Variants in ALDH1A2 observed in about 807,000 individuals in gnomAD.
ALDH1A2 encodes the protein aldehyde dehydrogenase 1 family member A2, also known as retinal dehydrogenase 2.
In ALDH1A2, 27 loss-of-function variants were observed where a neutral mutation model predicts 60.3. That is an observed-to-expected ratio of 0.45 (90% CI 0.33 to 0.62). The LOEUF (loss-of-function observed/expected upper bound fraction) is 0.62, where lower values mean the gene tolerates loss of function less well. Ranked by LOEUF, ALDH1A2 falls within the 20% of genes least tolerant of loss-of-function variation. The pLI is 0.02. For synonymous variants in ALDH1A2, 289 were observed against 232.4 expected (o/e 1.24, Z -2.21); for missense variants, 581 against 643.8 (o/e 0.90, Z 1.06).
intron 1 of ALDH1A2, among the ~76,000 whole-genome samples, chr15:58,018,939 C>G (rs535661818): frequency 1.3e-5 from 2 of 151,452 alleles, no homozygotes; most frequent in East Asian, 3.9e-4. Flanking sequence ...CTCTGATGGG[C>G]CAGGAAAAAA....
intron 7 of ALDH1A2, chr15:57,979,831 T>C (rs531007497): frequency 1.8e-5 from 5 of 272,060 alleles, no homozygotes; most frequent in South Asian, 1.5e-4. Flanking sequence ...CAGGCAGTAC[T>C]TGGGGTCACA....
At chr15:58,042,389 C>T (rs1994926) in intron 1 of ALDH1A2, among the ~76,000 whole-genome samples, 66,864 of 151,716 alleles carry the variant, frequency 0.44, 15,045 homozygotes, top group African/African-American at 0.51. Flanking sequence ...TATGCCACTA[C>T]GTCATCTTTA....
chr15:57,959,029 G>T, intron 12 of ALDH1A2, among the ~76,000 whole-genome samples: 1 of 152,124 alleles, frequency 6.6e-6, no homozygotes, highest in East Asian at 1.9e-4. Flanking sequence ...ACCTTTCTGG[G>T]CAAGGAGAAC....
At chr15:58,022,829 C>T (rs543968040) in intron 1 of ALDH1A2, among the ~76,000 whole-genome samples, 10 of 152,258 alleles carry the variant, frequency 6.6e-5, no homozygotes, top group Admixed American at 2.6e-4. Flanking sequence ...CCCCATCCAA[C>T]CAACACCATA....
intron 7 of ALDH1A2, among the ~76,000 whole-genome samples, chr15:57,979,405 G>C (rs1473790205): frequency 6.6e-6 from 1 of 152,188 alleles, no homozygotes; most frequent in Non-Finnish European, 1.5e-5. Context: ...CCGGGTACTG[G>C]TTCCCTCCAA....
chr15:58,006,202 T>C (rs1895451599), intron 4 of ALDH1A2, among the ~76,000 whole-genome samples: 1 of 151,896 alleles, frequency 6.6e-6, no homozygotes. Flanking sequence ...AAGTCCATTA[T>C]AACAGTCTTA....
chr15:58,006,722 G>A (rs1354766225), intron 4 of ALDH1A2, among the ~76,000 whole-genome samples: 2 of 124,260 alleles, frequency 1.6e-5, no homozygotes. Flanking sequence ...TTTTTTTGCA[G>A]TAGTGAGGTG....
chr15:58,026,693 C>T (rs1210094727), intron 1 of ALDH1A2, among the ~76,000 whole-genome samples: 1 of 152,166 alleles, frequency 6.6e-6, no homozygotes, highest in African/African-American at 2.4e-5. Context: ...ACAGTCTTAG[C>T]AAGCAGCAGA....
chr15:57,964,124 A>G (rs1295051211), intron 8 of ALDH1A2, 55 bp from the exon 9 acceptor site: 1 of 1,601,214 alleles, frequency 6.2e-7, no homozygotes, highest in Non-Finnish European at 8.5e-7. Context: ...GGGCCTGTCT[A>G]TGAAGCCGCC....
chr15:57,954,197 C>A lies in ALDH1A2; in HGVS notation c.*1000G>T, dbSNP rs771273577. 5 of 152,344 alleles carry A rather than the reference C, an allele frequency of 3.3e-5. No individual in the cohort carries two copies. Among genetic ancestry groups the A allele is most frequent in the Non-Finnish European group, 7.3e-5 (5 of 68,044 alleles). 9.4% of individuals were successfully genotyped at this position (152,344 alleles called of 1,614,324 possible). On this transcript the variant is annotated 3_prime_UTR_variant, in exon 13 of 13. Coordinates refer to ENST00000249750, the MANE Select transcript of ALDH1A2 (RefSeq NM_003888.4). ...TACAGTGTGACAGACCAAAATCACA[C>A]CTGCAGCAGTTATTGGTGTAGAGGT... is the stretch of plus-strand genomic sequence containing the variant.
In ALDH1A2 at chr15:58,024,089, A is replaced by G. The variant is rs553576427; in HGVS notation, c.118-9808T>C. 5.9e-5 allele frequency among the ~76,000 whole-genome samples: 9 copies of G among 152,220 alleles called. No homozygotes were observed. The East Asian group carries it at 1.5e-3, about 26-fold the overall frequency. On this transcript the variant is annotated intron_variant, in intron 1 of 12. Transcript: ENST00000249750. ...GCCTGGGCAACAAAAGCAAAATTCCATCTCAAAAAAAATGCTCAAAATATT... is the reference window on the plus strand; with the variant it reads ...GCCTGGGCAACAAAAGCAAAATTCCGTCTCAAAAAAAATGCTCAAAATATT...
intron 1 of ALDH1A2, among the ~76,000 whole-genome samples, chr15:58,034,708 T>G (rs1395906051): frequency 6.6e-6 from 1 of 151,726 alleles, no homozygotes; most frequent in Admixed American, 6.6e-5. Flanking sequence ...AAATACTCTT[T>G]CTGCATGTAC....
At position 58,065,637 on chromosome 15, in the gene ALDH1A2, T is replaced by C. The variant is rs755121953; in HGVS notation, c.14A>G (p.Lys5Arg). The C allele has an allele frequency of 6.3e-7, 1 of 1,598,790 alleles. No individual in the cohort carries two copies. The highest frequency in any genetic ancestry group is 8.5e-7 in the Non-Finnish European group (1 of 1,171,486). MTSS[K>R]IEMPGEVKAD... is the part of the protein sequence containing the mutation. ...CTTCACCTCGCCGGGCATCTCTATC[T>C]TGCTGGAAGTCATGGTGGCGGGCCG... Residue 5 changes from lysine (K) to arginine (R), a missense_variant, in exon 1 of 13, where the codon AAG (lysine) becomes AGG (arginine). Physicochemically the swap from Lys to Arg is conservative, Grantham distance 26 (BLOSUM62 2). Coordinates refer to ENST00000249750, the MANE Select transcript of ALDH1A2 (RefSeq NM_003888.4).
chr15:58,035,369 C>A (rs1896351962), intron 1 of ALDH1A2, among the ~76,000 whole-genome samples: 1 of 151,380 alleles, frequency 6.6e-6, no homozygotes, highest in South Asian at 2.1e-4. Flanking sequence ...ACATGTTTAG[C>A]AATTTTATTA....
intron 1 of ALDH1A2, among the ~76,000 whole-genome samples, chr15:58,043,994 C>T (rs1896579434): frequency 6.6e-6 from 1 of 151,894 alleles, no homozygotes; most frequent in South Asian, 2.1e-4. Context: ...AGGCCACATA[C>T]CCCGGATTTG....
chr15:57,980,542 G>T (rs779469371), intron 7 of ALDH1A2: 1 of 278,484 alleles, frequency 3.6e-6, no homozygotes, highest in Non-Finnish European at 7.6e-6. Flanking sequence ...TGATCCAGCT[G>T]TGAAGCTCTG....
At chr15:57,971,048 C>T (rs1225623835) in intron 7 of ALDH1A2, among the ~76,000 whole-genome samples, 1 of 152,144 alleles carries the variant, frequency 6.6e-6, no homozygotes, top group Non-Finnish European at 1.5e-5. Flanking sequence ...CAGTTTAAAC[C>T]TTTATCTGTG....
intron 1 of ALDH1A2, among the ~76,000 whole-genome samples, chr15:58,043,448 T>A (rs1388416890): frequency 6.6e-6 from 1 of 152,036 alleles, no homozygotes; most frequent in East Asian, 1.9e-4. Flanking sequence ...AGTTCTGTGA[T>A]AACATAGGTT....
chr15:57,999,350 A>T (rs1243464492), intron 4 of ALDH1A2, among the ~76,000 whole-genome samples: 1 of 152,144 alleles, frequency 6.6e-6, no homozygotes, highest in African/African-American at 2.4e-5. Flanking sequence ...TTTAGAAGAA[A>T]AAAATAACCC....
Sources: gnomAD v4.1 joint callset for allele counts (sites outside exome capture counted in the v4.1 genomes callset) on GRCh38, gnomAD v4.1.1 for gene constraint, MANE v1.5 for transcripts, NCBI Gene and HGNC (gene_info 2026-07-23, HGNC 2026-07-21) for gene names.